LRRC4C: variants seen among roughly 807,000 people sequenced by gnomAD.
LRRC4C encodes leucine-rich repeat-containing protein 4C.
A neutral mutation model predicts 33.6 loss-of-function variants in LRRC4C; 5 were observed. The observed-to-expected ratio is 0.15, with a 90% CI of 0.08 to 0.31. The LOEUF is 0.31. LRRC4C is among the 10% of genes least tolerant of loss of function. The pLI is 1.00. For synonymous variants in LRRC4C, 329 were observed against 302.0 expected (o/e 1.09, Z -0.93); for missense variants, 560 against 796.7 (o/e 0.70, Z 3.58).
chr11:40,321,709 C>G (rs994416671), intron 3 of LRRC4C, among the ~76,000 whole-genome samples: 1 of 152,128 alleles, frequency 6.6e-6, no homozygotes, highest in Non-Finnish European at 1.5e-5. Flanking sequence ...TCTATCAGAT[C>G]GATTGTATCT....
In LRRC4C at chr11:40,768,249, C is replaced by T. The variant is rs1019418626; in HGVS notation, c.-406-119971G>A. ...GGATAATTTCCTGGACCCATACAAC[C>T]TACCAAGAGAACCACAAAGAAATCT... On this transcript the variant is annotated intron_variant, in intron 2 of 6. Coordinates refer to ENST00000528697, the MANE Select transcript of LRRC4C (RefSeq NM_001258419.2). Among the ~76,000 whole-genome samples, 8 of 152,020 alleles carry T rather than the reference C, an allele frequency of 5.3e-5. 1 individual carries two copies. The highest frequency in any genetic ancestry group is 4.6e-4 in the Admixed American group (7 of 15,266).
intron 3 of LRRC4C, among the ~76,000 whole-genome samples, chr11:40,581,842 G>T (rs1410247750): frequency 2.6e-5 from 4 of 152,174 alleles, no homozygotes; most frequent in Non-Finnish European, 5.9e-5. Flanking sequence ...GGTGGAGGTT[G>T]CAGTGAGCCG....
At chr11:40,410,612 G>A (rs527316429) in intron 3 of LRRC4C, among the ~76,000 whole-genome samples, 2 of 152,176 alleles carry the variant, frequency 1.3e-5, no homozygotes, top group South Asian at 4.1e-4. Context: ...CTGGGCCAGG[G>A]GTGGTTTGCT....
intron 1 of LRRC4C, among the ~76,000 whole-genome samples, chr11:41,034,601 G>A (rs1590307092): frequency 1.7e-5 from 1 of 59,144 alleles, no homozygotes; most frequent in South Asian, 9.8e-4. Context: ...AAAAAAATAT[G>A]GTGACGTATA....
rs531523202 is a variant in LRRC4C, at chr11:40,183,406, C to T, written c.-95-42553G>A. Among the ~76,000 whole-genome samples, 27 of 152,270 alleles carry T rather than the reference C, an allele frequency of 1.8e-4. No individual in the cohort carries two copies. In the South Asian group the frequency reaches 3.9e-3, roughly 22 times the overall value. On this transcript the variant is annotated intron_variant, in intron 5 of 6. Coordinates refer to ENST00000528697, the MANE Select transcript of LRRC4C (RefSeq NM_001258419.2). ...TTGTTGTTGTTTTCTTTTTTCACATCTCTAGAAACAGACCAAATAGCTGAG... is the reference window on the plus strand; with the variant it reads ...TTGTTGTTGTTTTCTTTTTTCACATTTCTAGAAACAGACCAAATAGCTGAG...
At chr11:40,915,319 A>G (rs1956903165) in intron 2 of LRRC4C, among the ~76,000 whole-genome samples, 1 of 152,178 alleles carries the variant, frequency 6.6e-6, no homozygotes, top group South Asian at 2.1e-4. Context: ...CAGTAACCAA[A>G]ACAGCATGGT....
chr11:41,182,576 A>G (rs1413487797), intron 1 of LRRC4C, among the ~76,000 whole-genome samples: 1 of 152,162 alleles, frequency 6.6e-6, no homozygotes, highest in East Asian at 1.9e-4. Context: ...TTCATGAATT[A>G]AAAACACTAT....
chr11:41,104,092 GA>G (rs1941356238), intron 1 of LRRC4C, among the ~76,000 whole-genome samples: 1 of 151,784 alleles, frequency 6.6e-6, no homozygotes, highest in African/African-American at 2.4e-5. Flanking sequence ...TAAAATATGA[GA>G]AAAACTGGAT....
intron 1 of LRRC4C, among the ~76,000 whole-genome samples, chr11:41,364,065 T>C (rs900336282): frequency 6.6e-6 from 1 of 152,138 alleles, no homozygotes; most frequent in Non-Finnish European, 1.5e-5. Context: ...CATTTCTTTC[T>C]AGGACTGCGT....
chr11:40,690,202 C>T (rs1433614403), intron 2 of LRRC4C, among the ~76,000 whole-genome samples: 1 of 152,020 alleles, frequency 6.6e-6, no homozygotes, highest in African/African-American at 2.4e-5. Context: ...GTGAACTAGA[C>T]ATTTTTTTAT....
intron 2 of LRRC4C, among the ~76,000 whole-genome samples, chr11:40,848,933 T>C (rs943764553): frequency 2.6e-5 from 4 of 152,216 alleles, no homozygotes; most frequent in African/African-American, 9.6e-5. Flanking sequence ...CTTTGTTGGT[T>C]TAAAATCTGT....
At chr11:40,710,467 C>T (rs1004594837) in intron 2 of LRRC4C, among the ~76,000 whole-genome samples, 3 of 151,434 alleles carry the variant, frequency 2.0e-5, no homozygotes, top group African/African-American at 4.9e-5. Flanking sequence ...GCAGGTCTGT[C>T]GGAGTTTGCT....
At chr11:40,185,753 A>C (rs1401631986) in intron 5 of LRRC4C, among the ~76,000 whole-genome samples, 1 of 152,164 alleles carries the variant, frequency 6.6e-6, no homozygotes, top group Non-Finnish European at 1.5e-5. Context: ...TTATAAAGTA[A>C]TGGAGATTAA....
At chr11:41,364,478 G>A (rs1952465072) in intron 1 of LRRC4C, among the ~76,000 whole-genome samples, 1 of 152,046 alleles carries the variant, frequency 6.6e-6, no homozygotes, top group South Asian at 2.1e-4. Context: ...GTTTCACCAT[G>A]TTGGCCAGGC....
At chr11:40,582,456 T>C (rs1958509736) in intron 3 of LRRC4C, among the ~76,000 whole-genome samples, 2 of 151,662 alleles carry the variant, frequency 1.3e-5, no homozygotes, top group African/African-American at 4.8e-5. Context: ...AAATTCATTT[T>C]AATTAGTTAA....
intron 1 of LRRC4C, among the ~76,000 whole-genome samples, chr11:40,992,618 C>T (rs185413506): frequency 4.6e-5 from 7 of 152,088 alleles, no homozygotes. Flanking sequence ...ATTTTAAAAC[C>T]AATGAAATTA....
chr11:40,620,358 T>G (rs115916586), intron 3 of LRRC4C, among the ~76,000 whole-genome samples: 21 of 151,902 alleles, frequency 1.4e-4, no homozygotes, highest in African/African-American at 5.1e-4. Flanking sequence ...GGCTCTCTTA[T>G]GCTTTCTTTC....
intron 3 of LRRC4C, among the ~76,000 whole-genome samples, chr11:40,503,803 G>A (rs1344847738): frequency 6.6e-6 from 1 of 152,190 alleles, no homozygotes; most frequent in East Asian, 1.9e-4. Flanking sequence ...GTTTTAATCT[G>A]AAGCTAATGC....
chr11:41,421,864 A>G (rs1235605932), intron 1 of LRRC4C, among the ~76,000 whole-genome samples: 1 of 152,032 alleles, frequency 6.6e-6, no homozygotes, highest in Non-Finnish European at 1.5e-5. Context: ...AGTTTTAATT[A>G]AGCAGGAAGG....
Sources: gnomAD v4.1 joint callset for allele counts (sites outside exome capture counted in the v4.1 genomes callset) on GRCh38, gnomAD v4.1.1 for gene constraint, MANE v1.5 for transcripts, NCBI Gene and HGNC (gene_info 2026-07-23, HGNC 2026-07-21) for gene names.